The following DUSP22 variants were observed in gnomAD, a reference collection of about 807,000 sequenced individuals.
DUSP22 encodes the protein dual specificity protein phosphatase 22.
DUSP22 carries 24 observed loss-of-function variants against 24.5 expected under a neutral mutation model. The observed-to-expected ratio is 0.98, with a 90% CI of 0.71 to 1.38. The LOEUF (loss-of-function observed/expected upper bound fraction) is 1.38. Ranked by LOEUF, DUSP22 falls within the 40% of genes most tolerant of loss-of-function variation. DUSP22 has a pLI of 0.00. For missense variants in DUSP22, 330 were observed against 269.2 expected, an observed-to-expected ratio of 1.23 and a Z score of -1.58; for synonymous variants, 160 against 106.4, an observed-to-expected ratio of 1.50 and a Z score of -3.10.
At chr6:310,609 C>A (rs1413452714) in intron 2 of DUSP22, among the ~76,000 whole-genome samples, 1 of 152,300 alleles carries the variant, frequency 6.6e-6, no homozygotes, top group African/African-American at 2.4e-5. Context: ...TGTCTGAATC[C>A]AGAACTGTCC....
chr6:348,722 A>T, intron 6 of DUSP22, 47 bp from the exon 7 acceptor site: 1 of 1,611,550 alleles, frequency 6.2e-7, no homozygotes. Flanking sequence ...GTGGATGCAG[A>T]CGTGCACATG....
At chr6:341,777 C>T (rs568686482) in intron 4 of DUSP22, among the ~76,000 whole-genome samples, 35 of 152,418 alleles carry the variant, frequency 2.3e-4, no homozygotes, top group African/African-American at 4.6e-4. Flanking sequence ...TTACTACAGA[C>T]GGAAAGAGCT....
At chr6:326,035 G>A (rs569376569) in intron 3 of DUSP22, 53 of 245,568 alleles carry the variant, frequency 2.2e-4, no homozygotes, top group African/African-American at 1.2e-3. Context: ...GCGTTCTGGT[G>A]TGTGCAGTGC....
At chr6:297,320 A>AT (rs1757380379) in intron 1 of DUSP22, among the ~76,000 whole-genome samples, 1 of 152,294 alleles carries the variant, frequency 6.6e-6, no homozygotes, top group Non-Finnish European at 1.5e-5. Flanking sequence ...ATTAGAACAC[A>AT]TTTTTCCAAA....
chr6:298,629 C>A (rs895051323), intron 1 of DUSP22, among the ~76,000 whole-genome samples: 12 of 152,290 alleles, frequency 7.9e-5, no homozygotes, highest in Non-Finnish European at 1.6e-4. Context: ...AACCATCAAG[C>A]GTGGAGAATC....
intron 3 of DUSP22, among the ~76,000 whole-genome samples, chr6:312,385 CAG>C (rs1482855549): frequency 6.6e-6 from 1 of 152,264 alleles, no homozygotes; most frequent in African/African-American, 2.4e-5. Context: ...TCACAGAAAA[CAG>C]AAGGTGAATC....
intron 3 of DUSP22, among the ~76,000 whole-genome samples, chr6:332,867 G>C (rs913343672): frequency 3.3e-5 from 5 of 152,300 alleles, no homozygotes; most frequent in Non-Finnish European, 7.3e-5. Context: ...TCTCCAAGGA[G>C]CGTGGAGGGA....
intron 3 of DUSP22, among the ~76,000 whole-genome samples, chr6:331,802 G>A (rs1345148735): frequency 1.3e-5 from 2 of 152,312 alleles, no homozygotes; most frequent in East Asian, 3.8e-4. Context: ...AAGATAAATA[G>A]ATGTTCTTAG....
intron 3 of DUSP22, among the ~76,000 whole-genome samples, chr6:332,475 T>C (rs531532917): frequency 7.0e-4 from 107 of 152,374 alleles, no homozygotes; most frequent in African/African-American, 2.4e-3. Context: ...TCCTGCCTCA[T>C]GGGACCAGCC....
chr6:332,766 C>T (rs1759195043), intron 3 of DUSP22, among the ~76,000 whole-genome samples: 1 of 152,218 alleles, frequency 6.6e-6, no homozygotes, highest in Non-Finnish European at 1.5e-5. Context: ...TCTTAAGCTT[C>T]CTTGCCAGAT....
chr6:311,393 A>C (rs1376442724), intron 2 of DUSP22, among the ~76,000 whole-genome samples: 2 of 152,302 alleles, frequency 1.3e-5, no homozygotes, highest in Non-Finnish European at 2.9e-5. Context: ...AAATAAAGTT[A>C]GGCAAGGCCG....
chr6:334,972 T>C (rs1392777096), intron 3 of DUSP22, 142 bp from the exon 4 acceptor site: 10 of 994,408 alleles, frequency 1.0e-5, no homozygotes, highest in Admixed American at 2.9e-5. Flanking sequence ...TTTTCTGCAG[T>C]TCCTTGGCAA....
intron 3 of DUSP22, among the ~76,000 whole-genome samples, chr6:330,086 C>T (rs1308776364): frequency 6.6e-6 from 1 of 152,298 alleles, no homozygotes; most frequent in Non-Finnish European, 1.5e-5. Flanking sequence ...CGGCACCTCC[C>T]TCATGGGACT....
intron 1 of DUSP22, among the ~76,000 whole-genome samples, chr6:294,042 G>A (rs1414371867): frequency 2.6e-5 from 4 of 152,228 alleles, no homozygotes; most frequent in African/African-American, 9.6e-5. Flanking sequence ...CACTTGAGCT[G>A]TTCACTCTCC....
chr6:318,301 CA>C (rs1263231660), intron 3 of DUSP22, among the ~76,000 whole-genome samples: 1 of 152,312 alleles, frequency 6.6e-6, no homozygotes, highest in Non-Finnish European at 1.5e-5. Context: ...GGTCAAGCCC[CA>C]TGCCAGGGTT....
intron 4 of DUSP22, among the ~76,000 whole-genome samples, chr6:344,164 C>A (rs535062896): frequency 1.3e-5 from 2 of 151,314 alleles, no homozygotes; most frequent in Non-Finnish European, 1.5e-5. Flanking sequence ...GGCCGTGCAA[C>A]CAGGCACTCC....
At chr6:336,979 C>G (rs1325113026) in intron 4 of DUSP22, 2 of 152,446 alleles carry the variant, frequency 1.3e-5, no homozygotes, top group Non-Finnish European at 2.9e-5. Context: ...TGCTGTTGAA[C>G]TTGTCAGTAC....
At chr6:331,432 T>G (rs1382704104) in intron 3 of DUSP22, among the ~76,000 whole-genome samples, 1 of 150,880 alleles carries the variant, frequency 6.6e-6, no homozygotes, top group Middle Eastern at 3.4e-3. Context: ...TTTTATTGCT[T>G]TTTTTTTAAC....
chr6:342,240 A>G (rs1759641113), intron 4 of DUSP22, among the ~76,000 whole-genome samples: 1 of 152,304 alleles, frequency 6.6e-6, no homozygotes. Flanking sequence ...ATTCATTTCT[A>G]GATTTGCTTT....
Sources: gnomAD v4.1 joint callset for allele counts (sites outside exome capture counted in the v4.1 genomes callset) on GRCh38, gnomAD v4.1.1 for gene constraint, MANE v1.5 for transcripts, NCBI Gene and HGNC (gene_info 2026-07-23, HGNC 2026-07-21) for gene names.